KIF9: variants seen among roughly 807,000 people sequenced by gnomAD.
The protein encoded by KIF9 is kinesin family member 9, also known as kinesin-like protein KIF9.
A neutral mutation model predicts 94.8 loss-of-function variants in KIF9; 68 were observed. The observed-to-expected ratio is 0.72, with a 90% CI of 0.59 to 0.88. The LOEUF is 0.88. Among genes scored for constraint, KIF9 ranks in the 40% least tolerant of loss-of-function variants. The probability of loss-of-function intolerance (pLI) is 0.00; values close to 1 mark genes in which losing one functional copy is unlikely to be tolerated. For missense variants in KIF9, 882 were observed against 982.5 expected (o/e 0.90, Z 1.37); for synonymous variants, 343 against 362.1 (o/e 0.95, Z 0.60).
At chr3:47,268,335 T>C (rs777252220) in intron 5 of KIF9, among the ~76,000 whole-genome samples, 3 of 152,170 alleles carry the variant, frequency 2.0e-5, no homozygotes, top group African/African-American at 2.4e-5. Context: ...GATAGACTGA[T>C]GTCTCCTTAA....
intron 10 of KIF9, among the ~76,000 whole-genome samples, chr3:47,249,521 A>T (rs1287939556): frequency 6.6e-6 from 1 of 152,108 alleles, no homozygotes; most frequent in African/African-American, 2.4e-5. Flanking sequence ...GTCCTCATAG[A>T]TTTCTGTAGA....
rs143083634 is a variant in KIF9, at chr3:47,240,967, A to T, written c.1758T>A (p.Asn586Lys). 6 of 1,614,084 alleles carry T rather than the reference A, an allele frequency of 3.7e-6. No individual in the cohort carries two copies. Among genetic ancestry groups the T allele is most frequent in the Non-Finnish European group, 5.1e-6 (6 of 1,180,018 alleles). The change falls in exon 17 of 21, where the codon AAT becomes AAA. Residue 586 changes from asparagine (N) to lysine (K), a missense_variant. Asn to Lys is a moderately conservative substitution (Grantham distance 94, BLOSUM62 0). Coordinates refer to ENST00000684063, the MANE Select transcript of KIF9 (RefSeq NM_182902.4). ...SKPVAFEEFK[N>K]EQGSEINRIF... is the part of the protein sequence containing the mutation. ...TTCGGTTGATCTCACTACCTTGCTCATTCTTAAACTCCTCAAAGGCCACTG... is the reference window on the plus strand; with the variant it reads ...TTCGGTTGATCTCACTACCTTGCTCTTTCTTAAACTCCTCAAAGGCCACTG...
intron 20 of KIF9, 30 bp from the exon 21 acceptor site, chr3:47,228,732 C>T (rs1336810999): frequency 6.3e-7 from 1 of 1,598,558 alleles, no homozygotes; most frequent in Non-Finnish European, 8.6e-7. Flanking sequence ...AAAACAGGAA[C>T]TTATTAGGAG....
chr3:47,270,550 C>T (rs1299480532), intron 5 of KIF9, among the ~76,000 whole-genome samples: 2 of 151,922 alleles, frequency 1.3e-5, no homozygotes, highest in Non-Finnish European at 2.9e-5. Context: ...CCACTGCACC[C>T]GGCCTTATTT....
intron 9 of KIF9, chr3:47,263,587 C>CCT (rs1221109801): frequency 3.4e-6 from 1 of 296,730 alleles, no homozygotes; most frequent in Non-Finnish European, 6.7e-6. Flanking sequence ...CCCACTATTA[C>CCT]CTCTGCCAGG....
intron 10 of KIF9, among the ~76,000 whole-genome samples, chr3:47,252,743 G>A (rs1356204208): frequency 6.6e-6 from 1 of 152,206 alleles, no homozygotes; most frequent in Non-Finnish European, 1.5e-5. Context: ...GGCCAAGCAT[G>A]TTGGCTCATG....
rs555229517 is a variant in KIF9, at chr3:47,244,334, G to A, written c.1514+457C>T. 63 of 159,268 alleles carry A rather than the reference G, an allele frequency of 4.0e-4. 1 individual carries two copies. Among genetic ancestry groups the A allele is most frequent in the Admixed American group, 9.1e-4 (15 of 16,548 alleles). 9.9% of individuals were successfully genotyped at this position (159,268 alleles called of 1,614,324 possible). Reference sequence around the variant, plus strand: ...CTCTTCCCACCTTGCACATACAAACGAGTCTTGCCTGAAAGGTGAACTGGA... The same window carrying A: ...CTCTTCCCACCTTGCACATACAAACAAGTCTTGCCTGAAAGGTGAACTGGA... On this transcript the variant is annotated intron_variant, in intron 15 of 20. Transcript: ENST00000684063.
At chr3:47,240,098 A>G in intron 17 of KIF9, 1 of 424,838 alleles carries the variant, frequency 2.4e-6, no homozygotes, top group Admixed American at 3.7e-5. Context: ...CTCTCAGATA[A>G]GTCATCTGAA....
At chr3:47,281,849 G>A (rs2107549607) in intron 1 of KIF9, among the ~76,000 whole-genome samples, 1 of 152,358 alleles carries the variant, frequency 6.6e-6, no homozygotes, top group Non-Finnish European at 1.5e-5. Flanking sequence ...CAAGAGGAAA[G>A]GGAGCGTTTG....
At chr3:47,235,422 C>A in intron 20 of KIF9, 91 bp downstream of exon 20, 1 of 895,450 alleles carries the variant, frequency 1.1e-6, no homozygotes, top group South Asian at 1.4e-5. Flanking sequence ...GGTGCCATTC[C>A]TCCCCTACCT....
chr3:47,254,184 G>A (rs1297375778), intron 10 of KIF9, among the ~76,000 whole-genome samples: 3 of 152,236 alleles, frequency 2.0e-5, no homozygotes, highest in Non-Finnish European at 4.4e-5. Context: ...TTGGCCAGGT[G>A]TGGTGGCTCA....
chr3:47,255,950 C>T (rs1443335436), intron 10 of KIF9, among the ~76,000 whole-genome samples: 1 of 152,206 alleles, frequency 6.6e-6, no homozygotes, highest in African/African-American at 2.4e-5. Context: ...TTGGTGGAGA[C>T]GGGGTTTCGC....
chr3:47,256,230 G>T (rs1210720855), intron 10 of KIF9, among the ~76,000 whole-genome samples: 1 of 152,084 alleles, frequency 6.6e-6, no homozygotes, highest in Admixed American at 6.5e-5. Flanking sequence ...CATCGTCTGG[G>T]ATGTGAGGAG....
intron 4 of KIF9, 149 bp from the exon 5 acceptor site, chr3:47,271,610 T>C (rs777693443): frequency 4.6e-6 from 3 of 648,274 alleles, no homozygotes; most frequent in Non-Finnish European, 8.1e-6. Context: ...TATCATCTTG[T>C]AGTGTTTTGA....
chr3:47,240,628 G>A (rs773248815), intron 17 of KIF9, among the ~76,000 whole-genome samples, 173 bp downstream of exon 17: 1 of 152,084 alleles, frequency 6.6e-6, no homozygotes, highest in Non-Finnish European at 1.5e-5. Context: ...AGGACTCTGC[G>A]GCTCTCAGGG....
chr3:47,273,257 C>T (rs1299916133), intron 4 of KIF9, among the ~76,000 whole-genome samples: 1 of 152,180 alleles, frequency 6.6e-6, no homozygotes, highest in Admixed American at 6.5e-5. Flanking sequence ...TACAGGATCA[C>T]AGACCACTGG....
intron 10 of KIF9, among the ~76,000 whole-genome samples, chr3:47,250,048 CA>C (rs776974282): frequency 4.5e-3 from 612 of 137,042 alleles, no homozygotes; most frequent in African/African-American, 0.012. Context: ...GTCACTGTCT[CA>C]AAAAAAAAAA....
chr3:47,250,585 G>A (rs866414462), intron 10 of KIF9: 11 of 489,238 alleles, frequency 2.2e-5, no homozygotes, highest in South Asian at 5.9e-5. Flanking sequence ...TCACACAAGC[G>A]TATGAACACA....
chr3:47,235,472 T>TGAG, intron 20 of KIF9, 41 bp downstream of exon 20: 1 of 1,377,072 alleles, frequency 7.3e-7, no homozygotes, highest in Non-Finnish European at 1.0e-6. Flanking sequence ...TCCTAGTCAC[T>TGAG]GAGGCCCCCA....
Sources: allele counts gnomAD v4.1 joint callset (sites outside exome capture counted in the v4.1 genomes callset), GRCh38; gene constraint gnomAD v4.1.1; transcripts MANE v1.5; gene names NCBI Gene and HGNC (gene_info 2026-07-23, HGNC 2026-07-21).